NECAB1: variants seen among roughly 807,000 people sequenced by gnomAD.
The protein encoded by NECAB1 is N-terminal EF-hand calcium-binding protein 1.
A neutral mutation model predicts 57.5 loss-of-function variants in NECAB1; 29 were observed. The observed-to-expected ratio is 0.50, with a 90% CI of 0.38 to 0.69. The LOEUF (loss-of-function observed/expected upper bound fraction) is 0.69, where lower values mean the gene tolerates loss of function less well. Ranked by LOEUF, NECAB1 falls within the 30% of genes least tolerant of loss-of-function variation. The pLI, the probability that NECAB1 is intolerant of heterozygous loss-of-function variation, is 0.00. For missense variants in NECAB1, 372 were observed against 413.8 expected (o/e 0.90, Z 0.88); for synonymous variants, 142 against 147.7 (o/e 0.96, Z 0.28).
At chr8:90,810,598 G>C (rs774094175) in intron 2 of NECAB1, among the ~76,000 whole-genome samples, 2 of 152,132 alleles carry the variant, frequency 1.3e-5, no homozygotes, top group Non-Finnish European at 2.9e-5. Flanking sequence ...TTAGAATATT[G>C]TGAGTAATCA....
At chr8:90,900,932 T>C (rs1400628201) in intron 5 of NECAB1, among the ~76,000 whole-genome samples, 1 of 152,264 alleles carries the variant, frequency 6.6e-6, no homozygotes, top group Non-Finnish European at 1.5e-5. Context: ...AAGATAAAGG[T>C]ACTTTAATCA....
At chr8:90,901,361 G>T (rs751907568) in intron 5 of NECAB1, among the ~76,000 whole-genome samples, 1 of 151,968 alleles carries the variant, frequency 6.6e-6, no homozygotes. Flanking sequence ...TCCTTCCAGC[G>T]GTGCCCTCAA....
At chr8:90,898,363 T>A (rs1809413936) in intron 5 of NECAB1, among the ~76,000 whole-genome samples, 1 of 152,208 alleles carries the variant, frequency 6.6e-6, no homozygotes, top group Non-Finnish European at 1.5e-5. Flanking sequence ...GCACAACTTT[T>A]GTATTTAAAT....
At chr8:90,845,028 G>T (rs540181778) in intron 3 of NECAB1, among the ~76,000 whole-genome samples, 2 of 152,302 alleles carry the variant, frequency 1.3e-5, no homozygotes, top group East Asian at 3.9e-4. Context: ...TCCGGTTCAC[G>T]TCCAAAAGCA....
At chr8:90,862,156 A>G (rs1348190874) in intron 3 of NECAB1, among the ~76,000 whole-genome samples, 1 of 152,230 alleles carries the variant, frequency 6.6e-6, no homozygotes, top group East Asian at 1.9e-4. Context: ...ATGGATAAAG[A>G]CAGATGTCTG....
At chr8:90,824,395 G>A (rs1812191695) in intron 2 of NECAB1, among the ~76,000 whole-genome samples, 1 of 151,766 alleles carries the variant, frequency 6.6e-6, no homozygotes, top group South Asian at 2.1e-4. Flanking sequence ...TCTGTGTTGA[G>A]CTCTTTATTT....
chr8:90,888,892 G>A (rs1809079787), intron 5 of NECAB1, among the ~76,000 whole-genome samples: 1 of 152,106 alleles, frequency 6.6e-6, no homozygotes, highest in Non-Finnish European at 1.5e-5. Flanking sequence ...CAGGGTTATT[G>A]AATTGACTGA....
chr8:90,840,948 T>C lies in NECAB1; in HGVS notation c.233+16123T>C, dbSNP rs574146015. Among the ~76,000 whole-genome samples the C allele has an allele frequency of 7.9e-5, 8 of 100,972 alleles. No homozygotes were observed. In the South Asian group the frequency reaches 2.7e-3, roughly 34 times the overall value. 66.2% of individuals were successfully genotyped at this position (100,972 alleles called of 152,430 possible). On this transcript the variant is annotated intron_variant, in intron 3 of 12. Coordinates refer to ENST00000417640, the MANE Select transcript of NECAB1 (RefSeq NM_022351.5). ...GAACAAAATGGTAGTGGTAAATCTA[T>C]TCAAAAAAAAAAAAAAAAAGTGACC...
intron 2 of NECAB1, among the ~76,000 whole-genome samples, chr8:90,819,820 C>T (rs941645732): frequency 1.3e-5 from 2 of 151,874 alleles, no homozygotes; most frequent in African/African-American, 4.8e-5. Context: ...TGGGACAGGG[C>T]TCTGGTAAAG....
At position 90,795,708 on chromosome 8, in the gene NECAB1, TCACACA is replaced by T. The variant is rs59863984; in HGVS notation, c.99+3751_99+3756del. On this transcript the variant is annotated intron_variant, in intron 1 of 12. Coordinates refer to ENST00000417640, the MANE Select transcript of NECAB1 (RefSeq NM_022351.5). Reference sequence around the variant, plus strand: ...CACCTCCCATCTCACCTCATCTCTCTCACACACACACACACACACACACACACACAC... The same window carrying T: ...CACCTCCCATCTCACCTCATCTCTCTCACACACACACACACACACACACAC... 4.1e-3 allele frequency among the ~76,000 whole-genome samples: 612 copies of T among 147,862 alleles called. 7 individuals carry two copies. Among genetic ancestry groups the T allele is most frequent in the African/African-American group, 0.014 (560 of 40,438 alleles).
At chr8:90,925,099 A>C (rs1441053293) in intron 6 of NECAB1, among the ~76,000 whole-genome samples, 1 of 152,068 alleles carries the variant, frequency 6.6e-6, no homozygotes, top group Non-Finnish European at 1.5e-5. Flanking sequence ...GAAACGAGGG[A>C]GCTCCTGTTT....
intron 3 of NECAB1, among the ~76,000 whole-genome samples, chr8:90,843,408 G>A (rs1812490560): frequency 6.6e-6 from 1 of 152,182 alleles, no homozygotes. Flanking sequence ...AGAAAGAGAA[G>A]GATCTTTTTA....
At position 90,824,832 on chromosome 8, in the gene NECAB1, A is replaced by C. The variant is rs1287516307; in HGVS notation, c.233+7A>C. ...TTGATACACATAATACTAAGTAAGA[A>C]ACTTTTTTATCACTGGATTCCACAA... On this transcript the variant is annotated splice_region_variant and intron_variant, in intron 3 of 12. Transcript: ENST00000417640. The C allele has an allele frequency of 7.0e-7, 1 of 1,428,554 alleles. No individual in the cohort carries two copies. The highest frequency in any genetic ancestry group is 1.4e-5 in the South Asian group (1 of 73,846). The allele number at this position is 1,428,554 out of a possible 1,614,324, so 88.5% of individuals were successfully genotyped here.
At chr8:90,924,529 C>A (rs1207561627) in intron 6 of NECAB1, among the ~76,000 whole-genome samples, 1 of 152,156 alleles carries the variant, frequency 6.6e-6, no homozygotes, top group Non-Finnish European at 1.5e-5. Flanking sequence ...GGGATTATAT[C>A]TCCTATAAAG....
chr8:90,951,193 T>C lies in NECAB1; in HGVS notation c.1019T>C (p.Met340Thr), dbSNP rs1177172713. 1 of 1,577,740 alleles carries C rather than the reference T, an allele frequency of 6.3e-7. No individual in the cohort carries two copies. Among genetic ancestry groups the C allele is most frequent in the Non-Finnish European group, 8.7e-7 (1 of 1,155,354 alleles). Residue 340 changes from methionine (M) to threonine (T), a missense_variant, in exon 12 of 13, where the codon ATG becomes ACG. Coordinates refer to ENST00000417640, the MANE Select transcript of NECAB1 (RefSeq NM_022351.5). Reference sequence around the variant, plus strand: ...GAAACTCCAGAACTCACATCTACAATGCTAGTTCCTGGTAATTATCCTGGG... The same window carrying C: ...GAAACTCCAGAACTCACATCTACAACGCTAGTTCCTGGTAATTATCCTGGG... ...FLETPELTST[M>T]LVPASWWILN...
At chr8:90,919,994 T>C (rs1396509414) in intron 6 of NECAB1, among the ~76,000 whole-genome samples, 1 of 152,234 alleles carries the variant, frequency 6.6e-6, no homozygotes, top group Non-Finnish European at 1.5e-5. Context: ...TGAACTCTTG[T>C]GACTGCTGCC....
chr8:90,810,423 AATACATTTACTTTAGT>A (rs1193861746), intron 2 of NECAB1, among the ~76,000 whole-genome samples: 1 of 152,230 alleles, frequency 6.6e-6, no homozygotes, highest in Non-Finnish European at 1.5e-5. Context: ...AAGACAAAAG[AATACATTTACTTTAGT>A]ATACATTTAC....
At chr8:90,871,550 A>T (rs1010109048) in intron 3 of NECAB1, among the ~76,000 whole-genome samples, 5 of 152,176 alleles carry the variant, frequency 3.3e-5, no homozygotes, top group Non-Finnish European at 4.4e-5. Context: ...TTTAGAAATC[A>T]TATGAAATAA....
intron 1 of NECAB1, among the ~76,000 whole-genome samples, chr8:90,792,849 C>T (rs535670639): frequency 1.2e-3 from 179 of 152,248 alleles, no homozygotes; most frequent in African/African-American, 4.2e-3. Flanking sequence ...TTGCCTATCT[C>T]TTCTCTCTGC....
Sources: gnomAD v4.1 joint callset for allele counts (sites outside exome capture counted in the v4.1 genomes callset) on GRCh38, gnomAD v4.1.1 for gene constraint, MANE v1.5 for transcripts, NCBI Gene and HGNC (gene_info 2026-07-23, HGNC 2026-07-21) for gene names.